TLN2: variants seen among roughly 807,000 people sequenced by gnomAD.
TLN2 encodes talin-2.
A neutral mutation model predicts 294.7 loss-of-function variants in TLN2; 118 were observed. The observed-to-expected ratio is 0.40, with a 90% CI of 0.34 to 0.47. TLN2 has a LOEUF of 0.47. Ranked by LOEUF, TLN2 falls within the 20% of genes least tolerant of loss-of-function variation. The probability of loss-of-function intolerance (pLI) is 0.84; values close to 1 mark genes in which losing one functional copy is unlikely to be tolerated. For synonymous variants in TLN2, 1,431 were observed against 1,304.5 expected (o/e 1.10, Z -2.09); for missense variants, 3,083 against 3,282.2 (o/e 0.94, Z 1.48).
At chr15:62,836,815 A>C (rs1011685205) in intron 57 of TLN2, among the ~76,000 whole-genome samples, 5 of 152,266 alleles carry the variant, frequency 3.3e-5, no homozygotes, top group Admixed American at 3.3e-4. Context: ...TTTTATCTAC[A>C]TATAAAATAA....
intron 48 of TLN2, among the ~76,000 whole-genome samples, chr15:62,800,167 C>T (rs189278450): frequency 1.3e-5 from 2 of 152,336 alleles, no homozygotes; most frequent in Admixed American, 6.5e-5. Flanking sequence ...GCTTCAGCCT[C>T]CCCTGGGCAG....
chr15:62,720,165 T>C (rs141292212), intron 25 of TLN2, among the ~76,000 whole-genome samples: 21 of 152,372 alleles, frequency 1.4e-4, no homozygotes, highest in African/African-American at 4.6e-4. Context: ...ACACGTAAAA[T>C]GTTGCAAGTT....
At chr15:62,814,287 G>A (rs948954533) in intron 52 of TLN2, among the ~76,000 whole-genome samples, 5 of 152,152 alleles carry the variant, frequency 3.3e-5, no homozygotes, top group African/African-American at 4.8e-5. Flanking sequence ...TTATCATTTG[G>A]GCTTTATGGT....
At chr15:62,714,378 AT>A (rs1223905898) in intron 22 of TLN2, among the ~76,000 whole-genome samples, 3 of 151,382 alleles carry the variant, frequency 2.0e-5, no homozygotes, top group African/African-American at 4.9e-5. Flanking sequence ...AATTTTTTGT[AT>A]TTTTAGTAGA....
At chr15:62,667,399 G>A (rs766202738) in intron 9 of TLN2, among the ~76,000 whole-genome samples, 4 of 152,180 alleles carry the variant, frequency 2.6e-5, no homozygotes, top group Admixed American at 2.0e-4. Flanking sequence ...GTTGGAGTCA[G>A]GATCCTGGGT....
chr15:62,776,876 G>A lies in TLN2; in HGVS notation c.5480G>A (p.Gly1827Asp). Reference sequence around the variant, plus strand: ...GCCAGTGAAGTGGGGCTGGTTGGGGGCATGGTGGACGCCATTGCAGAAGCC... The same window carrying A: ...GCCAGTGAAGTGGGGCTGGTTGGGGACATGGTGGACGCCATTGCAGAAGCC... Reference protein sequence around the residue: ...EAASEVGLVGGMVDAIAEAMS... With the variant: ...EAASEVGLVGDMVDAIAEAMS... Residue 1827 changes from glycine to aspartate, a missense_variant, in exon 43 of 59, where the codon GGC (glycine) becomes GAC (aspartate). Transcript: ENST00000636159. 2 of 1,592,424 alleles carry A rather than the reference G, an allele frequency of 1.3e-6. No homozygotes were observed. Among genetic ancestry groups the A allele is most frequent in the African/African-American group, 1.4e-5 (1 of 73,600 alleles).
intron 1 of TLN2, among the ~76,000 whole-genome samples, chr15:62,410,265 A>G (rs1186393848): frequency 2.0e-5 from 3 of 152,084 alleles, no homozygotes; most frequent in Non-Finnish European, 1.5e-5. Flanking sequence ...GAAAAAAAAA[A>G]GGGAGCTAAA....
At chr15:62,543,709 C>T (rs1239419673) in intron 1 of TLN2, among the ~76,000 whole-genome samples, 2 of 149,010 alleles carry the variant, frequency 1.3e-5, no homozygotes, top group Non-Finnish European at 3.0e-5. Flanking sequence ...GAGCCAAGAT[C>T]GTGCCACTGC....
chr15:62,727,418 TAAAG>T (rs1330089102), intron 28 of TLN2, among the ~76,000 whole-genome samples: 1 of 152,098 alleles, frequency 6.6e-6, no homozygotes, highest in Non-Finnish European at 1.5e-5. Context: ...CATTAGACTA[TAAAG>T]AAATAGTAAT....
At chr15:62,517,943 A>G (rs2140465307) in intron 1 of TLN2, among the ~76,000 whole-genome samples, 1 of 152,344 alleles carries the variant, frequency 6.6e-6, no homozygotes. Context: ...AATGGGGTTA[A>G]TGATTTTACT....
At chr15:62,754,014 T>C (rs2062084224) in intron 36 of TLN2, 98 bp downstream of exon 36, 9 of 1,370,310 alleles carry the variant, frequency 6.6e-6, no homozygotes, top group Non-Finnish European at 8.6e-6. Context: ...TCTTGTTCTT[T>C]CAGAGCTTGC....
At chr15:62,694,197 G>A (rs753714663) in intron 13 of TLN2, 119 bp from the exon 14 acceptor site, 6 of 749,166 alleles carry the variant, frequency 8.0e-6, no homozygotes, top group South Asian at 3.2e-5. Flanking sequence ...GGTTTGTCTC[G>A]AACTCCTGAC....
chr15:62,559,630 C>T (rs2042802519), intron 1 of TLN2, among the ~76,000 whole-genome samples: 1 of 152,188 alleles, frequency 6.6e-6, no homozygotes, highest in Admixed American at 6.5e-5. Flanking sequence ...TAGCACCTGA[C>T]ATATACTGAG....
chr15:62,654,029 AC>A (rs2052913101), intron 7 of TLN2, among the ~76,000 whole-genome samples: 1 of 152,232 alleles, frequency 6.6e-6, no homozygotes. Context: ...AAGCTAATTA[AC>A]ATATCCATCA....
At chr15:62,720,714 G>A (rs1316913716) in intron 25 of TLN2, among the ~76,000 whole-genome samples, 1 of 150,896 alleles carries the variant, frequency 6.6e-6, no homozygotes, top group African/African-American at 2.4e-5. Context: ...TTGTATATAG[G>A]CCCTTTGTGT....
At chr15:62,807,140 C>T (rs1314036404) in intron 51 of TLN2, among the ~76,000 whole-genome samples, 1 of 152,120 alleles carries the variant, frequency 6.6e-6, no homozygotes, top group Non-Finnish European at 1.5e-5. Flanking sequence ...AGGACTCTCT[C>T]TCCTGAGGCT....
At chr15:62,468,937 G>C (rs1433779358) in intron 1 of TLN2, among the ~76,000 whole-genome samples, 1 of 152,112 alleles carries the variant, frequency 6.6e-6, no homozygotes, top group African/African-American at 2.4e-5. Flanking sequence ...GAACACCTAC[G>C]AATACAGCAA....
intron 7 of TLN2, among the ~76,000 whole-genome samples, chr15:62,655,182 T>C (rs1168895240): frequency 1.3e-5 from 2 of 152,174 alleles, no homozygotes; most frequent in Non-Finnish European, 2.9e-5. Context: ...TCCCAGGTAC[T>C]GTGGGAGATG....
intron 1 of TLN2, among the ~76,000 whole-genome samples, chr15:62,555,522 G>A (rs1210944082): frequency 2.0e-5 from 3 of 152,140 alleles, no homozygotes; most frequent in African/African-American, 7.2e-5. Context: ...TGAAATATAG[G>A]TTTTAACTGT....
Sources: gnomAD v4.1 joint callset for allele counts (sites outside exome capture counted in the v4.1 genomes callset) on GRCh38, gnomAD v4.1.1 for gene constraint, MANE v1.5 for transcripts, NCBI Gene and HGNC (gene_info 2026-07-23, HGNC 2026-07-21) for gene names.